Variants in METTL24 observed in about 807,000 individuals in gnomAD.
METTL24 encodes the protein methyltransferase like 24, also known as probable methyltransferase-like protein 24.
In METTL24, 29 loss-of-function variants were observed where a neutral mutation model predicts 32.7. The ratio of observed to expected loss-of-function variants is 0.89; its 90% CI spans 0.66 to 1.21. The LOEUF is 1.21. Ranked by LOEUF, METTL24 falls within the 50% of genes most tolerant of loss-of-function variation. The pLI, the probability that METTL24 is intolerant of heterozygous loss-of-function variation, is 0.00. For missense variants in METTL24, 439 were observed against 468.1 expected, an observed-to-expected ratio of 0.94 and a Z score of 0.57; for synonymous variants, 163 against 179.5, an observed-to-expected ratio of 0.91 and a Z score of 0.73.
intron 4 of METTL24, among the ~76,000 whole-genome samples, chr6:110,262,202 G>C (rs1318912343): frequency 8.6e-5 from 13 of 151,924 alleles, no homozygotes; most frequent in Admixed American, 6.6e-4. Flanking sequence ...AAGATCAACA[G>C]AATTGATAGA....
At chr6:110,260,383 A>T (rs1778471112) in intron 4 of METTL24, among the ~76,000 whole-genome samples, 2 of 152,232 alleles carry the variant, frequency 1.3e-5, no homozygotes, top group African/African-American at 4.8e-5. Flanking sequence ...AGATGAAATG[A>T]ATGAAATGAA....
At chr6:110,320,165 G>C (rs1407724028) in intron 2 of METTL24, among the ~76,000 whole-genome samples, 2 of 152,188 alleles carry the variant, frequency 1.3e-5, no homozygotes, top group African/African-American at 4.8e-5. Flanking sequence ...AGATTTGAGG[G>C]AAGTATATTT....
At chr6:110,247,078 G>C (rs754978676) in intron 4 of METTL24, among the ~76,000 whole-genome samples, 1 of 152,072 alleles carries the variant, frequency 6.6e-6, no homozygotes, top group Non-Finnish European at 1.5e-5. Context: ...CAAGTTATGA[G>C]AATCAGCTCC....
At position 110,358,195 on chromosome 6, in the gene METTL24, G is replaced by T. The variant is rs1192693320; in HGVS notation, c.78C>A (p.Gly26=). The T allele has an allele frequency of 3.4e-6, 5 of 1,455,480 alleles. No homozygotes were observed. The highest frequency in any genetic ancestry group is 2.6e-5 in the South Asian group (2 of 75,762). The allele number at this position is 1,455,480 out of a possible 1,614,324, so 90.2% of individuals were successfully genotyped here. The part of the protein sequence containing the change: ...RCLLGAVLLF[G]LRLCAELRRA... ...GCCGCAGCTCTGCGCAGAGCCGCAG[G>T]CCGAACAACAGCACAGCCCCGAGTA... is the stretch of plus-strand genomic sequence containing the variant. Residue 26 remains glycine, a synonymous_variant, in exon 1 of 5, where the codon GGC becomes GGA. Transcript: ENST00000338882.
At chr6:110,324,636 G>A (rs1186673439) in intron 1 of METTL24, among the ~76,000 whole-genome samples, 1 of 152,164 alleles carries the variant, frequency 6.6e-6, no homozygotes, top group Non-Finnish European at 1.5e-5. Flanking sequence ...TCTTCCCTGA[G>A]GGACACCTTC....
chr6:110,304,178 G>C (rs943478779), intron 3 of METTL24, among the ~76,000 whole-genome samples: 2 of 152,178 alleles, frequency 1.3e-5, no homozygotes, highest in Non-Finnish European at 2.9e-5. Flanking sequence ...CAACAGCAAA[G>C]ACCAAAGGTA....
intron 1 of METTL24, among the ~76,000 whole-genome samples, chr6:110,331,740 A>G (rs974595261): frequency 5.9e-5 from 9 of 152,048 alleles, no homozygotes; most frequent in African/African-American, 2.2e-4. Context: ...CTAAAGATTC[A>G]AGAAGCTTTG....
intron 2 of METTL24, among the ~76,000 whole-genome samples, chr6:110,317,023 A>G (rs1771833548): frequency 6.6e-6 from 1 of 152,222 alleles, no homozygotes; most frequent in African/African-American, 2.4e-5. Flanking sequence ...CTAACACAGC[A>G]TCTGCATTAC....
chr6:110,319,447 A>AGATAGATAGATAGATAGATG (rs1771891180), intron 2 of METTL24, among the ~76,000 whole-genome samples: 1 of 152,008 alleles, frequency 6.6e-6, no homozygotes, highest in Non-Finnish European at 1.5e-5. Context: ...ATAGATAGAT[A>AGATAGATAGATAGATAGATG]GATAGATAGA....
intron 1 of METTL24, among the ~76,000 whole-genome samples, chr6:110,326,347 T>G (rs1372758495): frequency 1.3e-5 from 2 of 152,242 alleles, no homozygotes; most frequent in Admixed American, 6.5e-5. Flanking sequence ...AACCTAAGCA[T>G]TAAAATAGAT....
intron 1 of METTL24, among the ~76,000 whole-genome samples, chr6:110,345,582 A>G (rs1772455821): frequency 1.3e-5 from 2 of 152,256 alleles, no homozygotes; most frequent in African/African-American, 4.8e-5. Context: ...TACACCATGG[A>G]CTGTTGGGCA....
intron 4 of METTL24, among the ~76,000 whole-genome samples, chr6:110,250,943 T>C (rs1584101964): frequency 6.6e-6 from 1 of 152,244 alleles, no homozygotes; most frequent in East Asian, 1.9e-4. Flanking sequence ...CTACAGTTTC[T>C]AATCTGAGCC....
At chr6:110,343,874 G>A (rs953999547) in intron 1 of METTL24, among the ~76,000 whole-genome samples, 13 of 152,188 alleles carry the variant, frequency 8.5e-5, no homozygotes, top group African/African-American at 3.1e-4. Context: ...AGAGCGAAGA[G>A]GAGACAGCAG....
intron 4 of METTL24, among the ~76,000 whole-genome samples, chr6:110,268,461 A>G (rs1276840553): frequency 6.6e-6 from 1 of 152,190 alleles, no homozygotes; most frequent in Non-Finnish European, 1.5e-5. Context: ...AAAATGATAG[A>G]AGAAAAGCAA....
chr6:110,293,153 G>T (rs1771349575), intron 4 of METTL24, among the ~76,000 whole-genome samples: 1 of 151,764 alleles, frequency 6.6e-6, no homozygotes, highest in South Asian at 2.1e-4. Flanking sequence ...ATTTTATTTG[G>T]AACATGTTAA....
intron 1 of METTL24, among the ~76,000 whole-genome samples, chr6:110,329,599 C>T (rs1772078276): frequency 6.6e-6 from 1 of 152,216 alleles, no homozygotes; most frequent in South Asian, 2.1e-4. Context: ...ACTGCCGTTA[C>T]GTTTCTGTAA....
At chr6:110,259,133 G>A (rs1582384424) in intron 4 of METTL24, among the ~76,000 whole-genome samples, 2 of 152,162 alleles carry the variant, frequency 1.3e-5, no homozygotes, top group East Asian at 3.9e-4. Flanking sequence ...GACAGTGGGT[G>A]CAGCATACCA....
chr6:110,345,168 GA>G (rs371902050), intron 1 of METTL24, among the ~76,000 whole-genome samples: 4 of 151,352 alleles, frequency 2.6e-5, no homozygotes, highest in East Asian at 1.9e-4. Flanking sequence ...GCAAGCATAT[GA>G]AAAAAAAATC....
intron 4 of METTL24, among the ~76,000 whole-genome samples, chr6:110,291,746 C>T (rs1771324785): frequency 2.0e-5 from 3 of 152,132 alleles, no homozygotes; most frequent in African/African-American, 7.2e-5. Flanking sequence ...TCTATGGGTC[C>T]ATATGTTCTC....
Sources: allele counts gnomAD v4.1 joint callset (sites outside exome capture counted in the v4.1 genomes callset), GRCh38; gene constraint gnomAD v4.1.1; transcripts MANE v1.5; gene names NCBI Gene and HGNC (gene_info 2026-07-23, HGNC 2026-07-21).